Variants in FRMD5 observed in about 807,000 individuals in gnomAD.
FRMD5 encodes the protein FERM domain-containing protein 5.
FRMD5 carries 20 observed loss-of-function variants against 69.0 expected under a neutral mutation model. The observed-to-expected ratio is 0.29, with a 90% confidence interval of 0.20 to 0.42. The LOEUF is 0.42. FRMD5 is among the 10% of genes least tolerant of loss of function. FRMD5 has a pLI of 1.00. For synonymous variants in FRMD5, 271 were observed against 260.1 expected, an observed-to-expected ratio of 1.04 and a Z score of -0.40; for missense variants, 595 against 708.6, an observed-to-expected ratio of 0.84 and a Z score of 1.82.
At chr15:43,983,196 G>A (rs1341056338) in intron 1 of FRMD5, among the ~76,000 whole-genome samples, 2 of 152,134 alleles carry the variant, frequency 1.3e-5, no homozygotes, top group Non-Finnish European at 2.9e-5. Context: ...CTCCCAAAGT[G>A]TTGGGATTAC....
At chr15:44,126,621 T>C (rs181324025) in intron 1 of FRMD5, among the ~76,000 whole-genome samples, 2 of 152,268 alleles carry the variant, frequency 1.3e-5, no homozygotes, top group East Asian at 3.9e-4. Flanking sequence ...TTCACATTCT[T>C]ATTGCCACAC....
chr15:44,087,305 G>A lies in FRMD5; in HGVS notation c.102+107648C>T, dbSNP rs1184414422. ...CTAAATGTTGGGATTACAGGCATGA[G>A]CAACCGCGCCCGCCCAAGTTTTAAA... On this transcript the variant is annotated intron_variant, in intron 1 of 13. Coordinates refer to ENST00000417257, the MANE Select transcript of FRMD5 (RefSeq NM_032892.5). Among the ~76,000 whole-genome samples the A allele has an allele frequency of 2.0e-5, 3 of 152,144 alleles. No homozygotes were observed. The East Asian group carries it at 5.8e-4, about 29-fold the overall frequency.
chr15:43,974,932 T>G (rs192937619), intron 1 of FRMD5, among the ~76,000 whole-genome samples: 1 of 152,094 alleles, frequency 6.6e-6, no homozygotes, highest in South Asian at 2.1e-4. Flanking sequence ...TCTCCCAGAG[T>G]TGTTGAGCAA....
At chr15:43,952,389 C>A (rs964219325) in intron 1 of FRMD5, among the ~76,000 whole-genome samples, 7 of 152,090 alleles carry the variant, frequency 4.6e-5, no homozygotes. Flanking sequence ...AATGAGATTC[C>A]GCCCAGTGTC....
At chr15:44,045,220 T>G (rs1892376214) in intron 1 of FRMD5, among the ~76,000 whole-genome samples, 1 of 152,250 alleles carries the variant, frequency 6.6e-6, no homozygotes, top group African/African-American at 2.4e-5. Context: ...TAGGTCAATT[T>G]CAGTCTATCT....
intron 1 of FRMD5, among the ~76,000 whole-genome samples, chr15:44,084,720 T>C (rs1472536424): frequency 4.0e-5 from 6 of 151,056 alleles, no homozygotes; most frequent in Admixed American, 3.3e-4. Context: ...ACACTTTAAA[T>C]TTAAATTGTA....
chr15:44,040,992 C>CAAAAA lies in FRMD5; in HGVS notation c.103-116688_103-116684dup, dbSNP rs71421819. On this transcript the variant is annotated intron_variant, in intron 1 of 13. Transcript: ENST00000417257. Reference sequence around the variant, plus strand: ...GAATATTTACCAAGGAAATGGAAAGCAAAAAAAAAAAAAAAAAAAAAAAAA... The same window carrying CAAAAA: ...GAATATTTACCAAGGAAATGGAAAGCAAAAAAAAAAAAAAAAAAAAAAAAAAAAAA... Among the ~76,000 whole-genome samples, 8 of 17,498 alleles carry CAAAAA rather than the reference C, an allele frequency of 4.6e-4. 2 individuals carry two copies. Among genetic ancestry groups the CAAAAA allele is most frequent in the African/African-American group, 1.3e-3 (8 of 6,008 alleles). 11.5% of individuals were successfully genotyped at this position (17,498 alleles called of 152,430 possible). A position where few individuals can be genotyped will look rare whatever the true frequency, so the allele number is the denominator to read the frequency against.
intron 1 of FRMD5, among the ~76,000 whole-genome samples, chr15:44,103,053 T>A (rs944609243): frequency 6.6e-6 from 1 of 152,210 alleles, no homozygotes; most frequent in Non-Finnish European, 1.5e-5. Flanking sequence ...TTTCCTCCTA[T>A]TATTCAAAGA....
At chr15:44,071,383 T>C (rs1393584612) in intron 1 of FRMD5, among the ~76,000 whole-genome samples, 1 of 152,106 alleles carries the variant, frequency 6.6e-6, no homozygotes, top group Non-Finnish European at 1.5e-5. Context: ...GCCATGATGG[T>C]GCCACTGCAC....
chr15:43,886,011 C>T (rs2088654088), intron 10 of FRMD5, among the ~76,000 whole-genome samples: 1 of 152,178 alleles, frequency 6.6e-6, no homozygotes, highest in Non-Finnish European at 1.5e-5. Flanking sequence ...CCCCAAAATG[C>T]TTCATAGGTT....
At chr15:44,006,396 G>A (rs1451456268) in intron 1 of FRMD5, among the ~76,000 whole-genome samples, 2 of 152,228 alleles carry the variant, frequency 1.3e-5, no homozygotes, top group African/African-American at 4.8e-5. Context: ...ATGTACAGGA[G>A]ATTAATGTTG....
At chr15:44,191,353 C>A (rs777610163) in intron 1 of FRMD5, among the ~76,000 whole-genome samples, 1 of 151,892 alleles carries the variant, frequency 6.6e-6, no homozygotes, top group Admixed American at 6.6e-5. Context: ...CTTTGGGAGG[C>A]GAGGCGGGTG....
At chr15:44,152,141 C>T (rs2077457132) in intron 1 of FRMD5, among the ~76,000 whole-genome samples, 1 of 152,088 alleles carries the variant, frequency 6.6e-6, no homozygotes, top group South Asian at 2.1e-4. Context: ...ACCTGGGAGG[C>T]ACAGGTGCAG....
upstream of FRMD5, chr15:44,195,282 C>A (rs1049101872): frequency 9.9e-6 from 5 of 505,402 alleles, no homozygotes; most frequent in Admixed American, 1.2e-4. Context: ...GTCTCCTCGG[C>A]GCCCCAGTGC....
chr15:43,992,491 C>T (rs1481026693), intron 1 of FRMD5, among the ~76,000 whole-genome samples: 5 of 152,144 alleles, frequency 3.3e-5, no homozygotes, highest in Non-Finnish European at 7.4e-5. Context: ...AATTCTCCTG[C>T]CTCAGCCTCC....
chr15:44,071,296 C>A (rs551006440), intron 1 of FRMD5, among the ~76,000 whole-genome samples: 87 of 152,242 alleles, frequency 5.7e-4, no homozygotes, highest in African/African-American at 2.1e-3. Flanking sequence ...AACTAAAGTT[C>A]TCACACCTGT....
At chr15:44,050,787 A>T (rs1045467290) in intron 1 of FRMD5, among the ~76,000 whole-genome samples, 9 of 151,574 alleles carry the variant, frequency 5.9e-5, no homozygotes, top group African/African-American at 2.2e-4. Context: ...CCACACTGGT[A>T]GCTGGGATTA....
intron 1 of FRMD5, among the ~76,000 whole-genome samples, chr15:44,168,864 G>A (rs1299887244): frequency 2.6e-5 from 4 of 152,194 alleles, no homozygotes; most frequent in South Asian, 4.1e-4. Context: ...GTGACTAAAC[G>A]CTATTTCATC....
chr15:44,073,337 C>T (rs1157347563), intron 1 of FRMD5, among the ~76,000 whole-genome samples: 1 of 152,008 alleles, frequency 6.6e-6, no homozygotes, highest in African/African-American at 2.4e-5. Flanking sequence ...AGCCCAAACA[C>T]CTTAAAGTTA....
Sources: gnomAD v4.1 joint callset for allele counts (sites outside exome capture counted in the v4.1 genomes callset) on GRCh38, gnomAD v4.1.1 for gene constraint, MANE v1.5 for transcripts, NCBI Gene and HGNC (gene_info 2026-07-23, HGNC 2026-07-21) for gene names.